The following LRRC32 variants were observed in gnomAD, a reference collection of about 807,000 sequenced individuals.
The protein encoded by LRRC32 is leucine rich repeat containing 32, also known as transforming growth factor beta activator LRRC32.
Under a neutral mutation model 15.0 loss-of-function variants are expected in LRRC32, and 5 were observed. The observed-to-expected ratio is 0.33, with a 90% CI of 0.17 to 0.70. LRRC32 has a LOEUF of 0.70. LRRC32 is among the 30% of genes least tolerant of loss of function. The pLI is 0.66. For synonymous variants in LRRC32, 391 were observed against 403.9 expected (o/e 0.97, Z 0.38); for missense variants, 803 against 854.2 (o/e 0.94, Z 0.75).
At chr11:76,667,949 G>T (rs920848246) in intron 1 of LRRC32, among the ~76,000 whole-genome samples, 1 of 152,192 alleles carries the variant, frequency 6.6e-6, no homozygotes, top group Non-Finnish European at 1.5e-5. Context: ...GCCTTCTTTG[G>T]TTCCCCAAGT....
chr11:76,661,788 AAGG>A (rs1434870368), intron 2 of LRRC32, among the ~76,000 whole-genome samples: 1 of 57,148 alleles, frequency 1.7e-5, no homozygotes, highest in African/African-American at 4.9e-5. Flanking sequence ...AGACAGATAG[AAGG>A]ACAAATAAAC....
In LRRC32 at chr11:76,661,485, C is replaced by G. The variant is rs768400119; in HGVS notation, c.108G>C (p.Gln36His). ...CKMVDKKVSCQVLGLLQVPSV... is the reference protein window; with the variant it reads ...CKMVDKKVSCHVLGLLQVPSV... ...AGGGGACCTGGAGCAGGCCCAGAACCTGGCACGAGACCTTCTTGTCCACCT... is the reference window on the plus strand; with the variant it reads ...AGGGGACCTGGAGCAGGCCCAGAACGTGGCACGAGACCTTCTTGTCCACCT... The change falls in exon 3 of 3, where the codon CAG becomes CAC. Residue 36 changes from glutamine (Q) to histidine (H), a missense_variant. Coordinates refer to ENST00000260061, the MANE Select transcript of LRRC32 (RefSeq NM_001128922.2). The G allele has an allele frequency of 6.3e-7, 1 of 1,599,806 alleles. No homozygotes were observed. Among genetic ancestry groups the G allele is most frequent in the African/African-American group, 1.3e-5 (1 of 74,846 alleles).
At chr11:76,667,735 A>G (rs1248401031) in intron 1 of LRRC32, among the ~76,000 whole-genome samples, 2 of 152,254 alleles carry the variant, frequency 1.3e-5, no homozygotes, top group Admixed American at 6.5e-5. Context: ...CTTCCAGGCC[A>G]CTGGGGAGCA....
chr11:76,669,335 G>A (rs1952673316), intron 1 of LRRC32, among the ~76,000 whole-genome samples: 1 of 148,810 alleles, frequency 6.7e-6, no homozygotes. Flanking sequence ...ACTCAGAAAA[G>A]TGCCAAAGAA....
rs374812466 is a variant in LRRC32, at chr11:76,661,481, G to T, written c.112C>A (p.Leu38Met). The T allele has an allele frequency of 5.4e-5, 86 of 1,584,788 alleles. No homozygotes were observed. The highest frequency in any genetic ancestry group is 6.9e-5 in the Non-Finnish European group (80 of 1,164,942). The change falls in exon 3 of 3, where the codon CTG becomes ATG. Residue 38 changes from leucine to methionine, a missense_variant. Leu to Met is a conservative substitution (Grantham distance 15). Transcript: ENST00000260061. ...MVDKKVSCQV[L>M]GLLQVPSVLP... is the part of the protein sequence containing the mutation. ...ACCGAGGGGACCTGGAGCAGGCCCA[G>T]AACCTGGCACGAGACCTTCTTGTCC...
intron 1 of LRRC32, among the ~76,000 whole-genome samples, chr11:76,669,386 T>TGTGAGA (rs1439284769): frequency 3.4e-4 from 43 of 127,938 alleles, no homozygotes; most frequent in African/African-American, 1.1e-3. Context: ...TGTGTGTGTG[T>TGTGAGA]GAGAGAGAGA....
At position 76,659,493 on chromosome 11, in the gene LRRC32, A is replaced by G; in HGVS notation, c.*111T>C. 2.5e-6 allele frequency: 3 copies of G among 1,212,274 alleles called. 1 individual carries two copies. Among genetic ancestry groups the G allele is most frequent in the Middle Eastern group, 5.8e-4 (2 of 3,478 alleles). 75.1% of individuals were successfully genotyped at this position (1,212,274 alleles called of 1,614,324 possible). A position where few individuals can be genotyped will look rare whatever the true frequency, so the allele number is the denominator to read the frequency against. On this transcript the variant is annotated 3_prime_UTR_variant, in exon 3 of 3. Transcript: ENST00000260061. Reference sequence around the variant, plus strand: ...GCAGAGAAAGGTGTCCTGGGCTGTAATTTGGAGACCAGAGTTCTGGGATCC... The same window carrying G: ...GCAGAGAAAGGTGTCCTGGGCTGTAGTTTGGAGACCAGAGTTCTGGGATCC...
chr11:76,661,669 C>A (rs1305694140), intron 2 of LRRC32, among the ~76,000 whole-genome samples, 161 bp from the exon 3 acceptor site: 2 of 152,194 alleles, frequency 1.3e-5, no homozygotes, highest in African/African-American at 2.4e-5. Flanking sequence ...CACCCCATGC[C>A]TGGATGACCC....
At chr11:76,666,390 C>G (rs1952627166) in intron 1 of LRRC32, among the ~76,000 whole-genome samples, 1 of 152,176 alleles carries the variant, frequency 6.6e-6, no homozygotes, top group Admixed American at 6.5e-5. Context: ...TCCACCCAGG[C>G]CACACAAGTC....
chr11:76,661,756 G>A (rs1952538961), intron 2 of LRRC32, among the ~76,000 whole-genome samples: 1 of 151,078 alleles, frequency 6.6e-6, no homozygotes, highest in Non-Finnish European at 1.5e-5. Context: ...AGGTTCCATG[G>A]GTGGACAGAT....
At position 76,660,908 on chromosome 11, in the gene LRRC32, T is replaced by C. The variant is rs1236766175; in HGVS notation, c.685A>G (p.Ser229Gly). ...GAGGCCGTCTGAAAGGCCTCGATGC[T>C]GTTGCAGCTCAGGTCTAGCACCCGC... The part of the protein sequence containing the change: ...QLRVLDLSCN[S>G]IEAFQTASQP... Residue 229 changes from serine to glycine, a missense_variant, in exon 3 of 3, where the codon AGC (serine) becomes GGC (glycine). Transcript: ENST00000260061. 10 of 1,614,194 alleles carry C rather than the reference T, an allele frequency of 6.2e-6. No homozygotes were observed. The highest frequency in any genetic ancestry group is 8.5e-6 in the Non-Finnish European group (10 of 1,180,026).
intron 2 of LRRC32, among the ~76,000 whole-genome samples, chr11:76,661,851 C>G (rs1010901796): frequency 6.6e-6 from 1 of 152,292 alleles, no homozygotes; most frequent in Admixed American, 6.5e-5. Flanking sequence ...CAGGAAACAG[C>G]CATATATCCC....
intron 2 of LRRC32, among the ~76,000 whole-genome samples, chr11:76,665,226 C>G (rs765661194): frequency 5.5e-4 from 84 of 152,336 alleles, no homozygotes; most frequent in Middle Eastern, 3.4e-3. Context: ...GCAGGTGAGA[C>G]AGGCTTGGAC....
Position 76,659,622 on chromosome 11 carries a change from G to A in LRRC32, c.1971C>T (p.Asn657=), listed in dbSNP as rs752395447. Reference sequence around the variant, plus strand: ...GGCTTCTTTAGGCTTTATACTGTTGGTTAAACTTCTGCCGGCGGACGCAGC... The same window carrying A: ...GGCTTCTTTAGGCTTTATACTGTTGATTAAACTTCTGCCGGCGGACGCAGC... ...ACCCVRRQKF[N]QQYKA is the part of the protein sequence containing the mutation. Residue 657 remains asparagine (N), a synonymous_variant, in exon 3 of 3, where the codon AAC becomes AAT. Coordinates refer to ENST00000260061, the MANE Select transcript of LRRC32 (RefSeq NM_001128922.2). The A allele has an allele frequency of 1.2e-6, 2 of 1,614,140 alleles. No individual in the cohort carries two copies. Among genetic ancestry groups the A allele is most frequent in the East Asian group, 4.5e-5 (2 of 44,888 alleles).
chr11:76,660,472 G>C lies in LRRC32; in HGVS notation c.1121C>G (p.Ala374Gly). ...CLMLLDLSHN[A>G]LETLELGARA... ...GGCGCCCAGTTCCAGTGTCTCCAGG[G>C]CATTGTGGCTTAAGTCAAGGAGCAT... The change falls in exon 3 of 3, where the codon GCC becomes GGC. Residue 374 changes from alanine to glycine, a missense_variant. Ala to Gly is a moderately conservative substitution (Grantham distance 60). Transcript: ENST00000260061. The C allele has an allele frequency of 6.2e-7, 1 of 1,614,086 alleles. No individual in the cohort carries two copies. Among genetic ancestry groups the C allele is most frequent in the Non-Finnish European group, 8.5e-7 (1 of 1,180,014 alleles).
chr11:76,660,106 A>G lies in LRRC32; in HGVS notation c.1487T>C (p.Leu496Pro). The change falls in exon 3 of 3, where the codon CTG becomes CCG. Residue 496 changes from leucine (L) to proline (P), a missense_variant. Transcript: ENST00000260061. The part of the protein sequence containing the change: ...LGGLEASLEV[L>P]ALQGNGLMVL... ...CATCAGCCCGTTGCCCTGCAGTGCC[A>G]GGACCTCCAAGGAGGCCTCCAGGCC... 6.2e-7 allele frequency: 1 copy of G among 1,613,762 alleles called. No homozygotes were observed. Among genetic ancestry groups the G allele is most frequent in the Non-Finnish European group, 8.5e-7 (1 of 1,179,796 alleles).
chr11:76,664,370 G>A (rs1952589488), intron 2 of LRRC32, among the ~76,000 whole-genome samples: 1 of 152,238 alleles, frequency 6.6e-6, no homozygotes. Context: ...GCCTCCTTCA[G>A]CTCTGAGCTC....
At chr11:76,665,756 A>G (rs1025844886) in intron 2 of LRRC32, 115 bp downstream of exon 2, 1 of 1,486,808 alleles carries the variant, frequency 6.7e-7, no homozygotes, top group African/African-American at 1.4e-5. Flanking sequence ...TGCAAGGTAC[A>G]TTCCCTTTCC....
At chr11:76,665,733 G>A (rs1284465345) in intron 2 of LRRC32, 138 bp downstream of exon 2, 3 of 1,220,544 alleles carry the variant, frequency 2.5e-6, no homozygotes, top group African/African-American at 1.5e-5. Context: ...CATTCTAGTA[G>A]GTGCTCATTA....
Sources: gnomAD v4.1 joint callset for allele counts (sites outside exome capture counted in the v4.1 genomes callset) on GRCh38, gnomAD v4.1.1 for gene constraint, MANE v1.5 for transcripts, NCBI Gene and HGNC (gene_info 2026-07-23, HGNC 2026-07-21) for gene names.